DACH1: variants seen among roughly 807,000 people sequenced by gnomAD.
DACH1 encodes the protein dachshund family transcription factor 1.
A neutral mutation model predicts 54.2 loss-of-function variants in DACH1; 12 were observed. The observed-to-expected ratio is 0.22, with a 90% CI of 0.14 to 0.36. The LOEUF is 0.36. Ranked by LOEUF, DACH1 falls within the 10% of genes least tolerant of loss-of-function variation. The probability of loss-of-function intolerance (pLI) is 1.00; values close to 1 mark genes in which losing one functional copy is unlikely to be tolerated. For synonymous variants in DACH1, 386 were observed against 366.2 expected (o/e 1.05, Z -0.62); for missense variants, 805 against 929.8 (o/e 0.87, Z 1.75).
chr13:71,556,983 A>G (rs375015284), intron 6 of DACH1, 41 bp downstream of exon 6: 19 of 1,535,966 alleles, frequency 1.2e-5, no homozygotes, highest in Admixed American at 8.2e-5. Flanking sequence ...TCTAAAATCT[A>G]TTGAATCGGG....
At chr13:71,513,228 T>C (rs1880913869) in intron 6 of DACH1, among the ~76,000 whole-genome samples, 1 of 151,990 alleles carries the variant, frequency 6.6e-6, no homozygotes, top group African/African-American at 2.4e-5. Context: ...TGTCATCTTG[T>C]TTATACTAAT....
chr13:71,668,282 G>C (rs540338905), intron 2 of DACH1, among the ~76,000 whole-genome samples: 48 of 151,892 alleles, frequency 3.2e-4, no homozygotes, highest in Non-Finnish European at 6.3e-4. Flanking sequence ...AATAAACAGA[G>C]TGTTACATCC....
intron 1 of DACH1, among the ~76,000 whole-genome samples, chr13:71,689,555 A>T (rs1230314940): frequency 6.6e-6 from 1 of 152,208 alleles, no homozygotes; most frequent in Non-Finnish European, 1.5e-5. Flanking sequence ...TCTGGTGAGG[A>T]TAAATTATTG....
At chr13:71,727,537 C>G (rs981751161) in intron 1 of DACH1, among the ~76,000 whole-genome samples, 3 of 152,032 alleles carry the variant, frequency 2.0e-5, no homozygotes, top group Admixed American at 1.3e-4. Context: ...TGATATTTCC[C>G]TATTCAAATG....
At chr13:71,680,102 A>ATT (rs1413205229) in intron 2 of DACH1, among the ~76,000 whole-genome samples, 5 of 152,164 alleles carry the variant, frequency 3.3e-5, no homozygotes, top group Non-Finnish European at 7.4e-5. Flanking sequence ...TACCTATTTG[A>ATT]TTTTTCCAAA....
At chr13:71,585,637 A>G (rs1358739822) in intron 3 of DACH1, among the ~76,000 whole-genome samples, 1 of 152,168 alleles carries the variant, frequency 6.6e-6, no homozygotes, top group Non-Finnish European at 1.5e-5. Flanking sequence ...GAGAACACAT[A>G]TTAGGAAAGT....
intron 1 of DACH1, among the ~76,000 whole-genome samples, chr13:71,795,835 A>T (rs539069066): frequency 7.2e-5 from 11 of 152,270 alleles, no homozygotes; most frequent in East Asian, 1.9e-4. Flanking sequence ...GAGCAAATTT[A>T]AAAAAATGCA....
intron 1 of DACH1, among the ~76,000 whole-genome samples, chr13:71,822,712 G>T (rs1888238205): frequency 6.6e-6 from 1 of 152,160 alleles, no homozygotes; most frequent in South Asian, 2.1e-4. Context: ...TAAGGGGAAG[G>T]TTAAAACGTA....
chr13:71,842,852 T>C (rs1051235327), intron 1 of DACH1, among the ~76,000 whole-genome samples: 4 of 152,200 alleles, frequency 2.6e-5, no homozygotes, highest in African/African-American at 9.7e-5. Context: ...AATCCAAGGA[T>C]ATCTATTCTT....
In DACH1 at chr13:71,785,819, C is replaced by T. The variant is rs140025701; in HGVS notation, c.848+80103G>A. Among the ~76,000 whole-genome samples the T allele has an allele frequency of 4.6e-3, 695 of 152,332 alleles. 8 individuals are homozygous for T. The highest frequency in any genetic ancestry group is 0.016 in the African/African-American group (655 of 41,576). On this transcript the variant is annotated intron_variant, in intron 1 of 10. Transcript: ENST00000613252. ...AACATGTTTTTCTCTCTTGCTCCCT[C>T]TTCAACTAACCAATCCCATGCTACT...
At chr13:71,792,706 A>G (rs1251870438) in intron 1 of DACH1, among the ~76,000 whole-genome samples, 2 of 152,170 alleles carry the variant, frequency 1.3e-5, no homozygotes, top group African/African-American at 4.8e-5. Context: ...AAGGAGGCAT[A>G]TACTCTTAGT....
At chr13:71,582,110 T>C (rs1456960657) in intron 3 of DACH1, among the ~76,000 whole-genome samples, 1 of 152,140 alleles carries the variant, frequency 6.6e-6, no homozygotes. Context: ...CAAAAGTGTA[T>C]TTCTACTATA....
chr13:71,652,888 C>T (rs1438583558), intron 2 of DACH1, among the ~76,000 whole-genome samples: 2 of 152,158 alleles, frequency 1.3e-5, no homozygotes, highest in Admixed American at 6.5e-5. Flanking sequence ...GAAATGAAAT[C>T]TAGAAAATGT....
In DACH1 at chr13:71,658,416, C is replaced by T. The variant is rs538232854; in HGVS notation, c.964+23379G>A. ...AATACAAAAGATTAGCTGGCATAGTCGTGGGAGCCTGTGATCCCAGGTACT... is the reference window on the plus strand; with the variant it reads ...AATACAAAAGATTAGCTGGCATAGTTGTGGGAGCCTGTGATCCCAGGTACT... On this transcript the variant is annotated intron_variant, in intron 2 of 10. Coordinates refer to ENST00000613252, the MANE Select transcript of DACH1 (RefSeq NM_080759.6). Among the ~76,000 whole-genome samples, 32 of 152,000 alleles carry T rather than the reference C, an allele frequency of 2.1e-4. 1 individual carries two copies. In the South Asian group the frequency reaches 6.6e-3, roughly 32 times the overall value.
rs370706006 is a variant in DACH1 at position 71,652,828 on chromosome 13, T to C, written c.965-22111A>G. 4.6e-5 allele frequency among the ~76,000 whole-genome samples: 7 copies of C among 152,262 alleles called. No homozygotes were observed. In the East Asian group the frequency reaches 1.2e-3, roughly 25 times the overall value. ...GTTTTCTTTTTGTTCTCTTGTACCC[T>C]CCATAGCATAAACGTTAACTTTTTG... On this transcript the variant is annotated intron_variant, in intron 2 of 10. Transcript: ENST00000613252.
intron 10 of DACH1, among the ~76,000 whole-genome samples, chr13:71,473,806 G>A (rs991914617): frequency 6.6e-6 from 1 of 152,060 alleles, no homozygotes; most frequent in Non-Finnish European, 1.5e-5. Context: ...TATCTAATGC[G>A]TGAATAGCCC....
intron 1 of DACH1, among the ~76,000 whole-genome samples, chr13:71,788,633 G>A (rs913476453): frequency 6.6e-6 from 1 of 152,032 alleles, no homozygotes; most frequent in South Asian, 2.1e-4. Flanking sequence ...TTCATAAAAT[G>A]TAAAATACAT....
At chr13:71,505,798 T>C (rs749392783) in intron 6 of DACH1, among the ~76,000 whole-genome samples, 37 of 152,292 alleles carry the variant, frequency 2.4e-4, no homozygotes, top group Non-Finnish European at 4.1e-4. Context: ...ACTATTACTT[T>C]CTATATTCTA....
intron 3 of DACH1, among the ~76,000 whole-genome samples, chr13:71,603,747 A>C (rs1463139172): frequency 6.6e-6 from 1 of 151,992 alleles, no homozygotes; most frequent in African/African-American, 2.4e-5. Context: ...CTATCAAGAA[A>C]AATAGATATA....
Sources: gnomAD v4.1 joint callset for allele counts (sites outside exome capture counted in the v4.1 genomes callset) on GRCh38, gnomAD v4.1.1 for gene constraint, MANE v1.5 for transcripts, NCBI Gene and HGNC (gene_info 2026-07-23, HGNC 2026-07-21) for gene names.